The following FUT8 variants were observed in gnomAD, a reference collection of about 807,000 sequenced individuals.
The protein encoded by FUT8 is fucosyltransferase 8.
FUT8 carries 29 observed loss-of-function variants against 71.3 expected under a neutral mutation model. The observed-to-expected ratio is 0.41, with a 90% CI of 0.30 to 0.55. The LOEUF (loss-of-function observed/expected upper bound fraction) is 0.55. Ranked by LOEUF, FUT8 falls within the 20% of genes least tolerant of loss-of-function variation. The pLI is 0.34. For missense variants in FUT8, 544 were observed against 702.1 expected, an observed-to-expected ratio of 0.77 and a Z score of 2.55; for synonymous variants, 254 against 239.3, an observed-to-expected ratio of 1.06 and a Z score of -0.57.
intron 5 of FUT8, 53 bp downstream of exon 5, chr14:65,616,426 A>G: frequency 7.1e-7 from 1 of 1,410,656 alleles, no homozygotes; most frequent in Non-Finnish European, 9.6e-7. Flanking sequence ...TTATAATCTA[A>G]GAATGAGAAA....
In FUT8 at chr14:65,528,407, T is replaced by C. The variant is rs1257830359; in HGVS notation, c.-227-32930T>C. Among the ~76,000 whole-genome samples the C allele has an allele frequency of 2.0e-5, 3 of 152,288 alleles. No homozygotes were observed. In the South Asian group the frequency reaches 6.2e-4, roughly 32 times the overall value. On this transcript the variant is annotated intron_variant, in intron 2 of 10. Transcript: ENST00000673929. ...GCTTAAGACCATTGGAAAAGTGCAG[T>C]ATCAGGGTGGGAGTGACCCGATTTT...
intron 1 of FUT8, among the ~76,000 whole-genome samples, chr14:65,448,316 G>A (rs191239142): frequency 6.6e-6 from 1 of 152,150 alleles, no homozygotes; most frequent in East Asian, 1.9e-4. Context: ...AGAATGGGGG[G>A]GCGGAATAAA....
At position 65,512,339 on chromosome 14, in the gene FUT8, T is replaced by C. The variant is rs190726834; in HGVS notation, c.-227-48998T>C. 1.5e-3 allele frequency among the ~76,000 whole-genome samples: 227 copies of C among 152,202 alleles called. 2 individuals are homozygous for C. Among genetic ancestry groups the C allele is most frequent in the African/African-American group, 5.2e-3 (218 of 41,542 alleles). On this transcript the variant is annotated intron_variant, in intron 2 of 10. Transcript: ENST00000673929. ...CACCACCATGCCCAGCTAAGTTTTG[T>C]AATTTTAGTAGAGACGAGGTTTCAC...
intron 6 of FUT8, among the ~76,000 whole-genome samples, chr14:65,632,119 A>G (rs1343437252): frequency 6.6e-6 from 1 of 151,906 alleles, no homozygotes; most frequent in African/African-American, 2.4e-5. Context: ...TTCTTTATTC[A>G]CTCGTTGATT....
intron 6 of FUT8, among the ~76,000 whole-genome samples, chr14:65,650,398 A>G (rs1490377708): frequency 6.6e-6 from 1 of 151,354 alleles, no homozygotes; most frequent in Non-Finnish European, 1.5e-5. Flanking sequence ...TGCAGGAAGC[A>G]TAGTGGCTTC....
the FUT8 span, among the ~76,000 whole-genome samples, chr14:65,362,700 C>T: frequency 1.3e-5 from 2 of 151,762 alleles, no homozygotes; most frequent in Admixed American, 1.3e-4. Flanking sequence ...TGGTGGCTCA[C>T]ACCTGTAATC....
At chr14:65,485,242 T>A (rs1448823755) in intron 2 of FUT8, among the ~76,000 whole-genome samples, 1 of 152,238 alleles carries the variant, frequency 6.6e-6, no homozygotes, top group Non-Finnish European at 1.5e-5. Context: ...GTCAATTGAT[T>A]GCTTTATTCA....
chr14:65,384,154 A>G, the FUT8 span, among the ~76,000 whole-genome samples: 3 of 152,234 alleles, frequency 2.0e-5, no homozygotes, highest in Admixed American at 6.5e-5. This position sits in a 1 kb window ranked among gnomAD's most constrained non-coding sequence, Gnocchi z 4.2. Context: ...CTAGTTAGGA[A>G]GCAGGGCAGT....
chr14:65,361,165 G>C, the FUT8 span, among the ~76,000 whole-genome samples: 262 of 152,082 alleles, frequency 1.7e-3, 1 homozygote, highest in Admixed American at 2.9e-3. Flanking sequence ...AGACCAGTCT[G>C]ACCAACATAG....
At chr14:65,362,961 C>CAAA in the FUT8 span, among the ~76,000 whole-genome samples, 2 of 69,348 alleles carry the variant, frequency 2.9e-5, no homozygotes, top group African/African-American at 1.1e-4. Context: ...GACTCTGTTT[C>CAAA]AAAAAAAAAA....
At chr14:65,551,442 A>G (rs1031746241) in intron 2 of FUT8, among the ~76,000 whole-genome samples, 10 of 152,350 alleles carry the variant, frequency 6.6e-5, no homozygotes, top group Middle Eastern at 3.4e-3. Context: ...GGTTATAAAG[A>G]TAAGTCTCAG....
the FUT8 span, among the ~76,000 whole-genome samples, chr14:65,386,872 C>T: frequency 5.7e-5 from 7 of 122,208 alleles, no homozygotes; most frequent in Admixed American, 1.0e-4. Context: ...GACAGAGTCT[C>T]ACTCTGTTGC....
Position 65,742,673 on chromosome 14 carries a change from T to C in FUT8, c.*263T>C. ...AACATGCAAACAGGTTGTTTTCTAC[T>C]TTGCCCCTTTCAGTATGTCCCCATA... On this transcript the variant is annotated 3_prime_UTR_variant, in exon 11 of 11. Transcript: ENST00000673929. The C allele has an allele frequency of 2.7e-6, 1 of 374,080 alleles. No homozygotes were observed. The highest frequency in any genetic ancestry group is 4.9e-6 in the Non-Finnish European group (1 of 205,044). The allele number at this position is 374,080 out of a possible 1,614,324, so 23.2% of individuals were successfully genotyped here. A position where few individuals can be genotyped will look rare whatever the true frequency, so the allele number is the denominator to read the frequency against.
chr14:65,421,733 TA>T (rs2065297834), intron 1 of FUT8, among the ~76,000 whole-genome samples: 1 of 48,934 alleles, frequency 2.0e-5, no homozygotes, highest in Non-Finnish European at 4.7e-5. Flanking sequence ...TGAAACCCTT[TA>T]ACCCACCCCC....
intron 6 of FUT8, among the ~76,000 whole-genome samples, chr14:65,631,088 C>A (rs1336444204): frequency 5.3e-5 from 8 of 152,198 alleles, no homozygotes; most frequent in Non-Finnish European, 1.2e-4. Flanking sequence ...ACCCACATGG[C>A]CATTCATCAG....
chr14:65,448,650 G>A lies in FUT8; in HGVS notation c.-325-6971G>A, dbSNP rs2065778325. On this transcript the variant is annotated intron_variant, in intron 1 of 10. Transcript: ENST00000673929. ...AATAACCACAGGCTCTGTTCTCATG[G>A]TGTGCCCAATCTTTTGGGGATGGGG... Among the ~76,000 whole-genome samples the A allele has an allele frequency of 4.6e-5, 7 of 152,132 alleles. No homozygotes were observed. The South Asian group carries it at 1.0e-3, about 22-fold the overall frequency.
At chr14:65,658,247 A>T (rs1033236228) in intron 6 of FUT8, among the ~76,000 whole-genome samples, 23 of 152,172 alleles carry the variant, frequency 1.5e-4, no homozygotes, top group African/African-American at 5.1e-4. Flanking sequence ...AATGCAAAAG[A>T]CATGATGAGA....
intron 2 of FUT8, among the ~76,000 whole-genome samples, chr14:65,539,177 G>A (rs1444405598): frequency 6.6e-6 from 1 of 152,158 alleles, no homozygotes; most frequent in East Asian, 1.9e-4. Context: ...AAAGAGATGG[G>A]TCTACCTGTA....
chr14:65,436,231 C>G (rs1011208012), intron 1 of FUT8, among the ~76,000 whole-genome samples: 1 of 152,026 alleles, frequency 6.6e-6, no homozygotes, highest in Non-Finnish European at 1.5e-5. Context: ...ATCGCTTGAG[C>G]CCAGAAGTTT....
Sources: gnomAD v4.1 joint callset for allele counts (sites outside exome capture counted in the v4.1 genomes callset) on GRCh38, gnomAD v4.1.1 for gene constraint, Gnocchi (gnomAD v3.1) non-coding constraint, MANE v1.5 for transcripts, NCBI Gene and HGNC (gene_info 2026-07-23, HGNC 2026-07-21) for gene names.